The following OLA1 variants were observed in gnomAD, a reference collection of about 807,000 sequenced individuals.
OLA1 encodes the protein Obg like ATPase 1.
In OLA1, 14 loss-of-function variants were observed where a neutral mutation model predicts 48.4. The ratio of observed to expected loss-of-function variants is 0.29; its 90% confidence interval spans 0.19 to 0.45. OLA1 has a LOEUF of 0.45. OLA1 is among the 20% of genes least tolerant of loss of function. The probability of loss-of-function intolerance (pLI) is 1.00; values close to 1 mark genes in which losing one functional copy is unlikely to be tolerated. For synonymous variants in OLA1, 127 were observed against 150.4 expected, an observed-to-expected ratio of 0.84 and a Z score of 1.14; for missense variants, 325 against 467.1, an observed-to-expected ratio of 0.70 and a Z score of 2.80.
At chr2:174,163,717 T>G in intron 4 of OLA1, among the ~76,000 whole-genome samples, 1 of 7,304 alleles carries the variant, frequency 1.4e-4, no homozygotes, top group Admixed American at 1.8e-3. Context: ...AATAAATATA[T>G]ATATATATAT....
chr2:174,135,578 T>A (rs1049991571), intron 5 of OLA1, among the ~76,000 whole-genome samples: 1 of 152,128 alleles, frequency 6.6e-6, no homozygotes, highest in Non-Finnish European at 1.5e-5. Flanking sequence ...GAGATGTAGA[T>A]GGTGCAAAAG....
At chr2:174,224,381 T>A (rs1688571300) in intron 3 of OLA1, among the ~76,000 whole-genome samples, 1 of 152,148 alleles carries the variant, frequency 6.6e-6, no homozygotes, top group Non-Finnish European at 1.5e-5. Flanking sequence ...ACTCTAGAAG[T>A]GGGGCATGTA....
At chr2:174,093,523 C>A (rs1225036253) in intron 7 of OLA1, among the ~76,000 whole-genome samples, 1 of 151,418 alleles carries the variant, frequency 6.6e-6, no homozygotes. Context: ...ACCGCCACCA[C>A]CAACAAAAAA....
chr2:174,206,295 G>A lies in OLA1; in HGVS notation c.373+16738C>T, dbSNP rs145598870. ...AGCCTGCAGTCCCAGCTACTCAGGAGGCTGAGGCAGGAAGATTGTTAGTGC... is the reference window on the plus strand; with the variant it reads ...AGCCTGCAGTCCCAGCTACTCAGGAAGCTGAGGCAGGAAGATTGTTAGTGC... On this transcript the variant is annotated intron_variant, in intron 4 of 10. Transcript: ENST00000284719. Among the ~76,000 whole-genome samples, 88 of 152,308 alleles carry A rather than the reference G, an allele frequency of 5.8e-4. 1 individual carries two copies. In the East Asian group the frequency reaches 0.016, roughly 28 times the overall value.
intron 4 of OLA1, among the ~76,000 whole-genome samples, chr2:174,219,975 T>C (rs1344184052): frequency 6.6e-6 from 1 of 151,924 alleles, no homozygotes; most frequent in East Asian, 1.9e-4. Flanking sequence ...CTACTAAAAA[T>C]ACAAAAAGTA....
chr2:174,229,760 T>A (rs1688688166), intron 2 of OLA1, among the ~76,000 whole-genome samples: 1 of 152,232 alleles, frequency 6.6e-6, no homozygotes, highest in Non-Finnish European at 1.5e-5. Context: ...CTATTTTTTT[T>A]CCATAATATA....
At chr2:174,167,517 A>G (rs765124263) in intron 4 of OLA1, among the ~76,000 whole-genome samples, 4 of 152,244 alleles carry the variant, frequency 2.6e-5, no homozygotes, top group Non-Finnish European at 5.9e-5. Context: ...CGGAGGTTGC[A>G]GTGAGCAGAA....
chr2:174,169,237 A>C (rs1687242316), intron 4 of OLA1, among the ~76,000 whole-genome samples: 1 of 152,138 alleles, frequency 6.6e-6, no homozygotes, highest in African/African-American at 2.4e-5. Context: ...GAGCCACTGC[A>C]CCCAGCCCCA....
At chr2:174,131,071 G>A (rs1005239424) in intron 5 of OLA1, among the ~76,000 whole-genome samples, 2 of 152,108 alleles carry the variant, frequency 1.3e-5, no homozygotes, top group African/African-American at 2.4e-5. Flanking sequence ...GAATGAACAC[G>A]TCTGTAATTA....
At chr2:174,165,135 T>A (rs544621875) in intron 4 of OLA1, among the ~76,000 whole-genome samples, 44 of 152,180 alleles carry the variant, frequency 2.9e-4, no homozygotes, top group Non-Finnish European at 5.0e-4. Flanking sequence ...ATATAGACTA[T>A]CTTTATTTTC....
At chr2:174,087,175 C>T (rs1018783088) in intron 7 of OLA1, among the ~76,000 whole-genome samples, 4 of 151,704 alleles carry the variant, frequency 2.6e-5, no homozygotes, top group Non-Finnish European at 5.9e-5. Context: ...TACAGGTGCC[C>T]GCCACCACAC....
intron 4 of OLA1, among the ~76,000 whole-genome samples, chr2:174,148,124 C>T (rs368992248): frequency 4.8e-4 from 73 of 152,316 alleles, no homozygotes; most frequent in South Asian, 4.3e-3. Flanking sequence ...TGGTGGCTCA[C>T]GCCTGTAACC....
At chr2:174,112,788 C>T (rs538868949) in intron 7 of OLA1, among the ~76,000 whole-genome samples, 1 of 152,290 alleles carries the variant, frequency 6.6e-6, no homozygotes, top group Admixed American at 6.5e-5. Context: ...GCTTCCTGGG[C>T]TCCAGAACCA....
chr2:174,200,731 T>C (rs904558636), intron 4 of OLA1, among the ~76,000 whole-genome samples: 3 of 152,152 alleles, frequency 2.0e-5, no homozygotes, highest in African/African-American at 4.8e-5. Context: ...TTTAACAACT[T>C]TATCCAAAGA....
At chr2:174,218,869 G>A (rs80261931) in intron 4 of OLA1, among the ~76,000 whole-genome samples, 3,222 of 152,088 alleles carry the variant, frequency 0.021, 50 homozygotes, top group Non-Finnish European at 0.031. Context: ...CATCCAAGCT[G>A]GAGTACAGTG....
At chr2:174,184,406 G>A (rs1203807451) in intron 4 of OLA1, among the ~76,000 whole-genome samples, 1 of 152,146 alleles carries the variant, frequency 6.6e-6, no homozygotes, top group Non-Finnish European at 1.5e-5. Flanking sequence ...GAAGATACCA[G>A]ATGAGCCCAA....
At chr2:174,154,714 A>T (rs944776253) in intron 4 of OLA1, among the ~76,000 whole-genome samples, 1 of 152,238 alleles carries the variant, frequency 6.6e-6, no homozygotes, top group Non-Finnish European at 1.5e-5. Context: ...TTACACCGAA[A>T]AAAATGCAAA....
chr2:174,135,930 G>T (rs964835755), intron 5 of OLA1, among the ~76,000 whole-genome samples: 4 of 152,148 alleles, frequency 2.6e-5, no homozygotes, highest in Non-Finnish European at 4.4e-5. Flanking sequence ...ACAAATTTTT[G>T]TTTCCTAGTA....
Position 174,243,335 on chromosome 2 carries a change from G to A in OLA1, c.101+3380C>T, listed in dbSNP as rs1689051295. On this transcript the variant is annotated intron_variant, in intron 2 of 10. Transcript: ENST00000284719. ...TTCCAGCTATTCAGGAGGCTGAGGA[G>A]TAGGGACTGCTTGAGCCCGGGAGAT... Among the ~76,000 whole-genome samples the A allele has an allele frequency of 2.0e-5, 3 of 152,206 alleles. No individual in the cohort carries two copies. The South Asian group carries it at 6.2e-4, about 31-fold the overall frequency.
Sources: allele counts gnomAD v4.1 joint callset (sites outside exome capture counted in the v4.1 genomes callset), GRCh38; gene constraint gnomAD v4.1.1; transcripts MANE v1.5; gene names NCBI Gene and HGNC (gene_info 2026-07-23, HGNC 2026-07-21).